The following INPP5A variants were observed in gnomAD, a reference collection of about 807,000 sequenced individuals.
INPP5A encodes inositol polyphosphate-5-phosphatase A, also known as 43 kDa inositol polyphosphate 5-phophatase.
Under a neutral mutation model 65.2 loss-of-function variants are expected in INPP5A, and 14 were observed. The observed-to-expected ratio is 0.21, with a 90% CI of 0.14 to 0.34. The LOEUF (loss-of-function observed/expected upper bound fraction) is 0.34. INPP5A is among the 10% of genes least tolerant of loss of function. INPP5A has a pLI of 1.00. For missense variants in INPP5A, 431 were observed against 545.6 expected (o/e 0.79, Z 2.09); for synonymous variants, 207 against 208.3 (o/e 0.99, Z 0.05).
chr10:132,601,744 TC>T (rs2071779722), intron 1 of INPP5A, among the ~76,000 whole-genome samples: 2 of 152,364 alleles, frequency 1.3e-5, no homozygotes, highest in South Asian at 4.1e-4. Flanking sequence ...AAAGGACTGT[TC>T]TTTTCCCCAG....
intron 8 of INPP5A, among the ~76,000 whole-genome samples, chr10:132,719,641 T>A (rs1024872919): frequency 6.7e-6 from 1 of 148,728 alleles, no homozygotes; most frequent in Non-Finnish European, 1.5e-5. Context: ...TCTTGCGGGT[T>A]CTGTGGTACC....
rs1310880300 is a variant in INPP5A at position 132,676,700 on chromosome 10, C to G, written c.307-13692C>G. On this transcript the variant is annotated intron_variant, in intron 4 of 15. Coordinates refer to ENST00000368594, the MANE Select transcript of INPP5A (RefSeq NM_005539.5). This position sits in a 1 kb window ranked among gnomAD's most constrained non-coding sequence, Gnocchi z 4.0. The stretch of plus-strand genomic sequence containing the variant: ...GCTGCTCCCTCCTCCTGACTCTGCT[C>G]CAAGGTGCCACCTGCCCAAGGTTCC... Among the ~76,000 whole-genome samples, 1 of 152,150 alleles carries G rather than the reference C, an allele frequency of 6.6e-6. No individual in the cohort carries two copies. Among genetic ancestry groups the G allele is most frequent in the Non-Finnish European group, 1.5e-5 (1 of 68,020 alleles).
At chr10:132,722,306 A>T (rs1230460731) in intron 8 of INPP5A, among the ~76,000 whole-genome samples, 1 of 152,188 alleles carries the variant, frequency 6.6e-6, no homozygotes, top group African/African-American at 2.4e-5. Context: ...GAAAGAAGGA[A>T]AAAAACCAAC....
Position 132,674,110 on chromosome 10 carries a change from C to T in INPP5A, c.307-16282C>T, listed in dbSNP as rs2133442680. Among the ~76,000 whole-genome samples the T allele has an allele frequency of 6.6e-6, 1 of 152,364 alleles. No individual in the cohort carries two copies. The highest frequency in any genetic ancestry group is 1.5e-5 in the Non-Finnish European group (1 of 68,036). ...ACTTGATTATTTAAATGCTCCTCTGCTGAGGTCACCCATTGGTGAGCACTC... is the reference window on the plus strand; with the variant it reads ...ACTTGATTATTTAAATGCTCCTCTGTTGAGGTCACCCATTGGTGAGCACTC... On this transcript the variant is annotated intron_variant, in intron 4 of 15. Coordinates refer to ENST00000368594, the MANE Select transcript of INPP5A (RefSeq NM_005539.5). This position sits in a 1 kb window ranked among gnomAD's most constrained non-coding sequence, Gnocchi z 4.4.
intron 5 of INPP5A, among the ~76,000 whole-genome samples, chr10:132,692,564 G>T (rs1013441145): frequency 3.3e-5 from 5 of 152,206 alleles, no homozygotes; most frequent in African/African-American, 1.2e-4. Context: ...CCTTATAGGC[G>T]AGGTGATTCC....
At chr10:132,708,423 G>C (rs1031633128) in intron 7 of INPP5A, 58 bp downstream of exon 7, 1 of 1,523,360 alleles carries the variant, frequency 6.6e-7, no homozygotes, top group Non-Finnish European at 9.1e-7. Flanking sequence ...TTTATATCTT[G>C]CACCAGCGGC....
At chr10:132,576,989 G>A (rs1187165553) in intron 1 of INPP5A, among the ~76,000 whole-genome samples, 3 of 152,246 alleles carry the variant, frequency 2.0e-5, no homozygotes, top group African/African-American at 7.2e-5. Context: ...CGGTTTGAAC[G>A]CACCTGTGGT....
rs1252465866 is a variant in INPP5A at position 132,762,253 on chromosome 10, C to T, written c.904-3520C>T. The stretch of plus-strand genomic sequence containing the variant: ...TATCCAAGACATAAACCTCAGGAAG[C>T]ATGGTGAGTCCTGAGCAGGAGGAAT... On this transcript the variant is annotated intron_variant, in intron 11 of 15. Coordinates refer to ENST00000368594, the MANE Select transcript of INPP5A (RefSeq NM_005539.5). The surrounding 1 kb of genome is among the most constrained non-coding windows in gnomAD (Gnocchi z 4.6). 1.3e-5 allele frequency among the ~76,000 whole-genome samples: 2 copies of T among 152,184 alleles called. No homozygotes were observed. Among genetic ancestry groups the T allele is most frequent in the African/African-American group, 2.4e-5 (1 of 41,438 alleles).
intron 1 of INPP5A, among the ~76,000 whole-genome samples, chr10:132,607,645 T>TG (rs1454071416): frequency 1.3e-5 from 2 of 152,240 alleles, no homozygotes; most frequent in African/African-American, 4.8e-5. Context: ...GCCACCCGTG[T>TG]GGGGGCTGCG....
intron 11 of INPP5A, among the ~76,000 whole-genome samples, chr10:132,757,265 C>G (rs1422430068): frequency 6.6e-6 from 1 of 152,232 alleles, no homozygotes; most frequent in Non-Finnish European, 1.5e-5. Flanking sequence ...CCAGGCCTTC[C>G]CGCTCACCCC....
chr10:132,687,291 G>A (rs191391226), intron 4 of INPP5A, among the ~76,000 whole-genome samples: 17 of 152,366 alleles, frequency 1.1e-4, no homozygotes, highest in Non-Finnish European at 1.9e-4. Context: ...TCAGTTCCCC[G>A]GGTTCTGAGC....
At position 132,686,460 on chromosome 10, in the gene INPP5A, C is replaced by T. The variant is rs111500893; in HGVS notation, c.307-3932C>T. On this transcript the variant is annotated intron_variant, in intron 4 of 15. Coordinates refer to ENST00000368594, the MANE Select transcript of INPP5A (RefSeq NM_005539.5). ...CAAGTACTGTGGTCAGAGACCTGGG[C>T]GAGCTGGGGACTTCCTGTCGGCAGG... 4.0e-3 allele frequency among the ~76,000 whole-genome samples: 607 copies of T among 152,316 alleles called. 3 individuals carry two copies. Among genetic ancestry groups the T allele is most frequent in the African/African-American group, 0.014 (585 of 41,566 alleles).
intron 2 of INPP5A, among the ~76,000 whole-genome samples, chr10:132,631,360 G>A (rs1185214608): frequency 1.3e-5 from 2 of 152,200 alleles, no homozygotes; most frequent in Non-Finnish European, 2.9e-5. Flanking sequence ...GCCCAGCCCA[G>A]CCCCGAAGGG....
chr10:132,562,371 G>T (rs1304108590), intron 1 of INPP5A, among the ~76,000 whole-genome samples: 1 of 152,262 alleles, frequency 6.6e-6, no homozygotes, highest in Non-Finnish European at 1.5e-5. Context: ...CACAGACCTG[G>T]CAGTGTTGTC....
intron 13 of INPP5A, among the ~76,000 whole-genome samples, chr10:132,780,564 C>T (rs993306495): frequency 2.0e-5 from 3 of 152,230 alleles, no homozygotes; most frequent in Non-Finnish European, 4.4e-5. Context: ...GGCCAGCACC[C>T]GCGGCTCCCC....
rs2072757357 is a variant in INPP5A, at chr10:132,663,121, A to G, written c.306+12616A>G. Among the ~76,000 whole-genome samples, 3 of 152,202 alleles carry G rather than the reference A, an allele frequency of 2.0e-5. No individual in the cohort carries two copies. The highest frequency in any genetic ancestry group is 7.2e-5 in the African/African-American group (3 of 41,434). ...CACTGTGTGTCTCACAACTCAGGCAACTCGGCACGCCGCAGGACATAACGG... is the reference window on the plus strand; with the variant it reads ...CACTGTGTGTCTCACAACTCAGGCAGCTCGGCACGCCGCAGGACATAACGG... On this transcript the variant is annotated intron_variant, in intron 4 of 15. Transcript: ENST00000368594. The surrounding 1 kb of genome is among the most constrained non-coding windows in gnomAD (Gnocchi z 4.5).
rs1846533060 is a variant in INPP5A, at chr10:132,753,399, C to A, written c.903+3554C>A. Among the ~76,000 whole-genome samples, 1 of 152,174 alleles carries A rather than the reference C, an allele frequency of 6.6e-6. No homozygotes were observed. ...GTCCATTGCATCCTTCATCAACCGC[C>A]GGTCTTGTACCCGTCTGACAGAAAT... On this transcript the variant is annotated intron_variant, in intron 11 of 15. Transcript: ENST00000368594. The surrounding 1 kb of genome is among the most constrained non-coding windows in gnomAD (Gnocchi z 5.3).
chr10:132,589,999 C>G (rs1564926437), intron 1 of INPP5A, among the ~76,000 whole-genome samples: 1 of 152,222 alleles, frequency 6.6e-6, no homozygotes, highest in Admixed American at 6.5e-5. Context: ...GGGAGCCCCT[C>G]GACGAGACCC....
At chr10:132,649,694 C>A (rs904012221) in intron 3 of INPP5A, among the ~76,000 whole-genome samples, 3 of 152,068 alleles carry the variant, frequency 2.0e-5, no homozygotes, top group South Asian at 4.2e-4. Flanking sequence ...AATAAGCATG[C>A]GTGGGTAGGG....
Sources: gnomAD v4.1 joint callset for allele counts (sites outside exome capture counted in the v4.1 genomes callset) on GRCh38, gnomAD v4.1.1 for gene constraint, Gnocchi (gnomAD v3.1) non-coding constraint, MANE v1.5 for transcripts, NCBI Gene and HGNC (gene_info 2026-07-23, HGNC 2026-07-21) for gene names.